Variants in PCYT1B observed in about 807,000 individuals in gnomAD.
PCYT1B encodes the protein phosphate cytidylyltransferase 1B, choline.
In PCYT1B, 10 loss-of-function variants were observed where a neutral mutation model predicts 26.4. The ratio of observed to expected loss-of-function variants is 0.38; its 90% CI spans 0.23 to 0.64. PCYT1B has a LOEUF of 0.64. Ranked by LOEUF, PCYT1B falls within the 30% of genes least tolerant of loss-of-function variation. The probability of loss-of-function intolerance (pLI) is 0.56; values close to 1 mark genes in which losing one functional copy is unlikely to be tolerated. For missense variants in PCYT1B, 161 were observed against 292.7 expected (o/e 0.55, Z 3.28); for synonymous variants, 131 against 108.4 (o/e 1.21, Z -1.29).
chrX:24,645,348 G>A (rs1038959407), intron 1 of PCYT1B, among the ~76,000 whole-genome samples: 4 of 109,641 alleles, frequency 3.6e-5, no homozygotes, highest in Non-Finnish European at 7.6e-5. Flanking sequence ...ATATACATAT[G>A]TGTGTATATA....
chrX:24,633,405 G>A (rs1271063453), intron 1 of PCYT1B, among the ~76,000 whole-genome samples: 2 of 109,989 alleles, frequency 1.8e-5, no homozygotes, highest in African/African-American at 3.3e-5. Flanking sequence ...CAGGCACGGT[G>A]GCTCACACCT....
At chrX:24,660,593 G>A (rs774280564) in intron 1 of PCYT1B, among the ~76,000 whole-genome samples, 71 of 106,979 alleles carry the variant, frequency 6.6e-4, no homozygotes, top group African/African-American at 2.3e-3. Context: ...CAAGAGAATC[G>A]CTTGAACCCA....
At chrX:24,670,093 AAAGAAAGAAAGAAAGAAAGAAAGGAAGG>A (rs1447969922) in intron 1 of PCYT1B, among the ~76,000 whole-genome samples, 14 of 85,216 alleles carry the variant, frequency 1.6e-4, no homozygotes, top group African/African-American at 5.9e-4. Flanking sequence ...AGAAAGAAAG[AAAGAAAGAAAGAAAGAAAGAAAGGAAGG>A]AAGGAAGGAA....
At chrX:24,586,569 C>A (rs1359851634) in intron 5 of PCYT1B, among the ~76,000 whole-genome samples, 1 of 112,104 alleles carries the variant, frequency 8.9e-6, no homozygotes, top group Non-Finnish European at 1.9e-5. Context: ...CACTAGACTT[C>A]TTGAAATCCC....
chrX:24,562,972 C>T (rs1180511416), intron 7 of PCYT1B, among the ~76,000 whole-genome samples: 1 of 111,351 alleles, frequency 9.0e-6, no homozygotes, highest in African/African-American at 3.3e-5. Context: ...GGTGATCCAC[C>T]CACCTCAGCC....
intron 2 of PCYT1B, among the ~76,000 whole-genome samples, chrX:24,613,950 C>CAAAAAAAAAAAAAAAAAAAA (rs200062439): frequency 7.8e-5 from 6 of 77,213 alleles, no homozygotes; most frequent in East Asian, 3.9e-4. Flanking sequence ...AACAACCTGT[C>CAAAAAAAAAAAAAAAAAAAA]AAAAAAAAAA....
chrX:24,602,286 G>GA (rs1181517049), intron 3 of PCYT1B, among the ~76,000 whole-genome samples: 1 of 112,030 alleles, frequency 8.9e-6, no homozygotes, highest in Non-Finnish European at 1.9e-5. Flanking sequence ...TGATGTTCTA[G>GA]AAAAAGTAAA....
chrX:24,586,004 A>G (rs769262843), intron 5 of PCYT1B, among the ~76,000 whole-genome samples: 1 of 110,815 alleles, frequency 9.0e-6, no homozygotes, highest in African/African-American at 3.3e-5. Flanking sequence ...CACACCCTAC[A>G]CTACATTAAC....
chrX:24,573,137 C>CACACACACACACACAT (rs1224981180), intron 7 of PCYT1B, among the ~76,000 whole-genome samples: 2 of 34,550 alleles, frequency 5.8e-5, no homozygotes, highest in African/African-American at 3.2e-4. Context: ...CACACATACA[C>CACACACACACACACAT]ACACACACAC....
intron 1 of PCYT1B, among the ~76,000 whole-genome samples, chrX:24,626,465 T>G (rs1035690295): frequency 8.9e-6 from 1 of 112,337 alleles, no homozygotes; most frequent in East Asian, 2.8e-4. Context: ...TTATTCCATA[T>G]ATGTCTGTCA....
chrX:24,613,139 A>G (rs1925360629), intron 2 of PCYT1B, among the ~76,000 whole-genome samples: 1 of 111,649 alleles, frequency 9.0e-6, no homozygotes, highest in Non-Finnish European at 1.9e-5. Flanking sequence ...CAAACTCACC[A>G]CTCTTTCTTC....
Position 24,587,279 on chromosome X carries a change from G to T in PCYT1B, c.527C>A (p.Ala176Asp). The stretch of plus-strand genomic sequence containing the variant: ...GTGCTTGTAAACATCATCAGAGCCA[G>T]CAGAGGAATACGGAATGTCATCATG... ...VAHDDIPYSS[A>D]GSDDVYKHIK... The change falls in exon 5 of 8, where the codon GCT becomes GAT. Residue 176 changes from alanine to aspartate, a missense_variant. Physicochemically the swap from Ala to Asp is moderately radical, Grantham distance 126 (BLOSUM62 -2). This residue lies in a region of PCYT1B where 65 missense variants were observed against 145.0 expected (regional missense o/e 0.45). Coordinates refer to ENST00000379144, the MANE Select transcript of PCYT1B (RefSeq NM_004845.5). 1.7e-6 allele frequency: 2 copies of T among 1,206,655 alleles called. No individual in the cohort carries two copies. The highest frequency in any genetic ancestry group is 2.2e-6 in the Non-Finnish European group (2 of 891,174).
At position 24,562,511 on chromosome X, in the gene PCYT1B, G is replaced by C. The variant is rs1470646286; in HGVS notation, c.898-6C>G. 8.4e-7 allele frequency: 1 copy of C among 1,188,388 alleles called. No homozygotes were observed. Among genetic ancestry groups the C allele is most frequent in the Non-Finnish European group, 1.1e-6 (1 of 881,987 alleles). On this transcript the variant is annotated splice_polypyrimidine_tract_variant and splice_region_variant and intron_variant, in intron 7 of 7. Coordinates refer to ENST00000379144, the MANE Select transcript of PCYT1B (RefSeq NM_004845.5). Reference sequence around the variant, plus strand: ...CTCTCCTGGAACATCTGCTTCTAAAGATAAATTGGAGAGAAGGCATCTGTT... The same window carrying C: ...CTCTCCTGGAACATCTGCTTCTAAACATAAATTGGAGAGAAGGCATCTGTT...
At chrX:24,625,413 TG>T (rs1285326161) in intron 1 of PCYT1B, among the ~76,000 whole-genome samples, 1 of 110,963 alleles carries the variant, frequency 9.0e-6, no homozygotes, top group African/African-American at 3.3e-5. Flanking sequence ...TAGTTAACCA[TG>T]GGCCCAACAC....
chrX:24,619,528 C>T (rs1042864375), intron 1 of PCYT1B, among the ~76,000 whole-genome samples: 6 of 111,927 alleles, frequency 5.4e-5, no homozygotes, highest in African/African-American at 1.3e-4. Flanking sequence ...ATTTCACAAC[C>T]GAGGGCAGTC....
At chrX:24,652,729 C>T (rs191862748) in intron 1 of PCYT1B, among the ~76,000 whole-genome samples, 27 of 111,031 alleles carry the variant, frequency 2.4e-4, no homozygotes, top group African/African-American at 7.2e-4. Context: ...TGGAACACAC[C>T]TACAAATGAC....
intron 7 of PCYT1B, among the ~76,000 whole-genome samples, chrX:24,563,309 G>A (rs893787346): frequency 5.4e-5 from 6 of 111,860 alleles, no homozygotes; most frequent in Non-Finnish European, 9.4e-5. Flanking sequence ...CAGGGTGCTC[G>A]GGGAAGGCCC....
chrX:24,627,943 G>A (rs1316995411), intron 1 of PCYT1B, among the ~76,000 whole-genome samples: 2 of 111,721 alleles, frequency 1.8e-5, no homozygotes, highest in East Asian at 5.6e-4. Flanking sequence ...GTAAAACACT[G>A]GAAGAGTAGG....
chrX:24,624,422 T>A (rs1202288349), intron 1 of PCYT1B, among the ~76,000 whole-genome samples: 1 of 112,406 alleles, frequency 8.9e-6, no homozygotes, highest in African/African-American at 3.2e-5. Flanking sequence ...TATCCTTGTT[T>A]ATGAAAGGAG....
Sources: gnomAD v4.1 joint callset for allele counts (sites outside exome capture counted in the v4.1 genomes callset) on GRCh38, gnomAD v4.1.1 for gene constraint, gnomAD v4.1.1 regional missense constraint, MANE v1.5 for transcripts, NCBI Gene and HGNC (gene_info 2026-07-23, HGNC 2026-07-21) for gene names.